GRM5: variants seen among roughly 807,000 people sequenced by gnomAD.
GRM5 encodes the protein metabotropic glutamate receptor 5.
In GRM5, 19 loss-of-function variants were observed where a neutral mutation model predicts 83.1. The observed-to-expected ratio is 0.23, with a 90% CI of 0.16 to 0.34. The LOEUF is 0.34. Among genes scored for constraint, GRM5 ranks in the 10% least tolerant of loss-of-function variants. The pLI is 1.00. For missense variants in GRM5, 1,160 were observed against 1,588.3 expected (o/e 0.73, Z 4.58); for synonymous variants, 675 against 633.6 (o/e 1.07, Z -0.98).
chr11:88,525,354 G>A lies in GRM5; in HGVS notation c.2681C>T (p.Thr894Ile), dbSNP rs2135108016. Residue 894 changes from threonine to isoleucine, a missense_variant, in exon 9 of 10, where the codon ACC becomes ATC. Physicochemically the swap from Thr to Ile is moderately conservative, Grantham distance 89. Coordinates refer to ENST00000305447, the MANE Select transcript of GRM5 (RefSeq NM_001143831.3). Reference protein sequence around the residue: ...AQHKSEIECFTPKGSMGNGGR... With the variant: ...AQHKSEIECFIPKGSMGNGGR... ...ACCATTCCCCATACTCCCTTTGGGGGTGAAACACTCTATTTCCGACTTGTG... is the reference window on the plus strand; with the variant it reads ...ACCATTCCCCATACTCCCTTTGGGGATGAAACACTCTATTTCCGACTTGTG... 1 of 1,612,488 alleles carries A rather than the reference G, an allele frequency of 6.2e-7. No homozygotes were observed. The highest frequency in any genetic ancestry group is 8.5e-7 in the Non-Finnish European group (1 of 1,178,674).
chr11:88,533,477 C>G (rs887807567), intron 8 of GRM5, among the ~76,000 whole-genome samples: 1 of 152,102 alleles, frequency 6.6e-6, no homozygotes, highest in Non-Finnish European at 1.5e-5. Flanking sequence ...CCATTTCCTG[C>G]TTTTATCAGG....
chr11:88,809,380 C>T (rs1943551354), intron 3 of GRM5, among the ~76,000 whole-genome samples: 1 of 152,052 alleles, frequency 6.6e-6, no homozygotes, highest in African/African-American at 2.4e-5. Context: ...ATTGGCTTTT[C>T]AATCTTAAGC....
chr11:88,822,068 A>G (rs1335392066), intron 3 of GRM5, among the ~76,000 whole-genome samples: 3 of 152,312 alleles, frequency 2.0e-5, no homozygotes, highest in Admixed American at 2.0e-4. Flanking sequence ...ATTATTGTTT[A>G]GATCAAATCG....
In GRM5 at chr11:88,717,693, T is replaced by C. The variant is rs556422014; in HGVS notation, c.912-64290A>G. ...ATTTAAAGGCATGAGAAAATGTCCA[T>C]AGCACAAGAGTAAGGGTGTATGACA... On this transcript the variant is annotated intron_variant, in intron 3 of 9. Coordinates refer to ENST00000305447, the MANE Select transcript of GRM5 (RefSeq NM_001143831.3). 1.1e-4 allele frequency among the ~76,000 whole-genome samples: 16 copies of C among 151,888 alleles called. No individual in the cohort carries two copies. In the East Asian group the frequency reaches 3.1e-3, roughly 29 times the overall value.
At chr11:88,893,357 G>A (rs1167787960) in intron 2 of GRM5, among the ~76,000 whole-genome samples, 1 of 152,002 alleles carries the variant, frequency 6.6e-6, no homozygotes, top group Non-Finnish European at 1.5e-5. Flanking sequence ...GGAGAAGTCA[G>A]AAGATTTGAG....
intron 1 of GRM5, among the ~76,000 whole-genome samples, chr11:89,064,652 T>C (rs1277215381): frequency 1.3e-5 from 2 of 152,080 alleles, no homozygotes; most frequent in South Asian, 2.1e-4. Context: ...CATTGTTCAA[T>C]AGAGAAACTG....
intron 3 of GRM5, among the ~76,000 whole-genome samples, chr11:88,812,299 A>AT (rs35942836): frequency 0.49 from 74,271 of 151,848 alleles, 21,418 homozygotes; most frequent in African/African-American, 0.76. Flanking sequence ...AGATAATTAT[A>AT]GTGATACGTC....
intron 4 of GRM5, among the ~76,000 whole-genome samples, chr11:88,622,222 C>A (rs1182646900): frequency 1.3e-5 from 2 of 152,194 alleles, no homozygotes; most frequent in Non-Finnish European, 2.9e-5. Context: ...GCTTTACACA[C>A]TTATGACCTC....
chr11:88,842,664 G>C (rs892938234), intron 3 of GRM5, among the ~76,000 whole-genome samples: 1 of 152,034 alleles, frequency 6.6e-6, no homozygotes, highest in Non-Finnish European at 1.5e-5. Flanking sequence ...CTCTGGATTT[G>C]CCTGTTCCTG....
chr11:88,682,936 T>C (rs1171817251), intron 3 of GRM5, among the ~76,000 whole-genome samples: 1 of 149,578 alleles, frequency 6.7e-6, no homozygotes, highest in Admixed American at 6.7e-5. Context: ...ACGGAATAGT[T>C]TTTTTTTTTT....
chr11:88,556,328 T>TC (rs71464053), intron 8 of GRM5, among the ~76,000 whole-genome samples: 2 of 148,232 alleles, frequency 1.3e-5, no homozygotes, highest in African/African-American at 5.0e-5. Context: ...TCTTTTCTTT[T>TC]TTTTTTTTTT....
intron 3 of GRM5, among the ~76,000 whole-genome samples, chr11:88,814,908 T>C (rs1386258178): frequency 6.6e-6 from 1 of 152,148 alleles, no homozygotes; most frequent in African/African-American, 2.4e-5. Context: ...TGTAAGCACC[T>C]AATAATAGGT....
intron 3 of GRM5, among the ~76,000 whole-genome samples, chr11:88,787,415 C>T (rs1332932025): frequency 1.3e-5 from 2 of 152,016 alleles, no homozygotes; most frequent in Non-Finnish European, 2.9e-5. Context: ...GTGGAGGCCA[C>T]ACCATACAAG....
chr11:88,620,393 A>G (rs7938366), intron 4 of GRM5, among the ~76,000 whole-genome samples: 5,387 of 152,276 alleles, frequency 0.035, 303 homozygotes, highest in African/African-American at 0.12. Flanking sequence ...TGGATCAGAC[A>G]CACATTGATC....
At chr11:88,579,828 G>A (rs1157660152) in intron 7 of GRM5, among the ~76,000 whole-genome samples, 1 of 152,182 alleles carries the variant, frequency 6.6e-6, no homozygotes, top group Non-Finnish European at 1.5e-5. Context: ...ACATGACCTG[G>A]CTTATTTTGT....
chr11:88,615,612 A>T (rs1028088763), intron 4 of GRM5, among the ~76,000 whole-genome samples: 3 of 151,588 alleles, frequency 2.0e-5, no homozygotes, highest in African/African-American at 4.9e-5. Context: ...ATAAAACCCA[A>T]TCAGCTAGGG....
chr11:88,522,588 G>GCT (rs1171853966), intron 9 of GRM5, among the ~76,000 whole-genome samples: 2,060 of 134,240 alleles, frequency 0.015, 32 homozygotes, highest in African/African-American at 0.023. Flanking sequence ...TCTCTCTCTC[G>GCT]CTCTCTCTCT....
At chr11:88,746,531 C>T (rs949042956) in intron 3 of GRM5, among the ~76,000 whole-genome samples, 20 of 148,934 alleles carry the variant, frequency 1.3e-4, no homozygotes, top group Non-Finnish European at 1.5e-5. Flanking sequence ...TTTCTTGAGG[C>T]AGAAATGGGA....
At chr11:89,034,307 ATTAC>A (rs1421813987) in intron 2 of GRM5, among the ~76,000 whole-genome samples, 8 of 152,006 alleles carry the variant, frequency 5.3e-5, no homozygotes, top group East Asian at 1.9e-4. Flanking sequence ...ACAAAAAGGA[ATTAC>A]TTACTACACC....
Sources: gnomAD v4.1 joint callset for allele counts (sites outside exome capture counted in the v4.1 genomes callset) on GRCh38, gnomAD v4.1.1 for gene constraint, MANE v1.5 for transcripts, NCBI Gene and HGNC (gene_info 2026-07-23, HGNC 2026-07-21) for gene names.